The following ATP12A variants were observed in gnomAD, a reference collection of about 807,000 sequenced individuals.
ATP12A encodes the protein ATPase H+/K+ transporting non-gastric alpha2 subunit.
A neutral mutation model predicts 111.2 loss-of-function variants in ATP12A; 81 were observed. The observed-to-expected ratio is 0.73, with a 90% CI of 0.61 to 0.88. The LOEUF (loss-of-function observed/expected upper bound fraction) is 0.88. Ranked by LOEUF, ATP12A falls within the 40% of genes least tolerant of loss-of-function variation. The pLI is 0.00. For synonymous variants in ATP12A, 498 were observed against 499.8 expected (o/e 1.00, Z 0.05); for missense variants, 1,196 against 1,313.1 (o/e 0.91, Z 1.38).
rs775980059 is a variant in ATP12A at position 24,706,420 on chromosome 13, C to G, written c.2126C>G (p.Ser709Cys). 5.6e-6 allele frequency: 9 copies of G among 1,613,934 alleles called. No individual in the cohort carries two copies. In the African/African-American group the frequency reaches 8.0e-5, roughly 14 times the overall value. Residue 709 changes from serine to cysteine, a missense_variant, in exon 15 of 23, where the codon TCC (serine) becomes TGC (cysteine). This residue lies in a region of ATP12A where 1,126 missense variants were observed against 1,228.5 expected (regional missense o/e 0.92). Transcript: ENST00000381946. ...CAGGAGATTGTCTTTGCCCGGACAT[C>G]CCCCCAGCAGAAGCTGATCATTGTG... Reference protein sequence around the residue: ...NYQEIVFARTSPQQKLIIVEG... With the variant: ...NYQEIVFARTCPQQKLIIVEG...
rs565225438 is a variant in ATP12A at position 24,691,018 on chromosome 13, G to A, written c.836G>A (p.Arg279His). The A allele has an allele frequency of 5.3e-5, 85 of 1,614,190 alleles. No individual in the cohort carries two copies. The African/African-American group carries it at 8.3e-4, about 16-fold the overall frequency. Residue 279 changes from arginine (R) to histidine (H), a missense_variant, in exon 8 of 23, where the codon CGC (arginine) becomes CAC (histidine). Arg to His is a conservative substitution (Grantham distance 29). Around this residue, in one of 3 missense-constraint regions of ATP12A, gnomAD observed 1,126 missense variants for 1,228.5 expected, o/e 0.92. Transcript: ENST00000381946. ...GGCATGGTTATCAACACGGGTGACCGCACCATCATTGGCCATATTGCCTCA... is the reference window on the plus strand; with the variant it reads ...GGCATGGTTATCAACACGGGTGACCACACCATCATTGGCCATATTGCCTCA... Reference protein sequence around the residue: ...VTGMVINTGDRTIIGHIASLA... With the variant: ...VTGMVINTGDHTIIGHIASLA...
chr13:24,681,300 C>T lies in ATP12A; in HGVS notation c.10-262C>T, dbSNP rs1479952805. ...GGGGGGTAACTTCCCACCTGCTCCACCCAGAGAAGGGTCACCCTGAGGAGC... is the reference window on the plus strand; with the variant it reads ...GGGGGGTAACTTCCCACCTGCTCCATCCAGAGAAGGGTCACCCTGAGGAGC... On this transcript the variant is annotated intron_variant, in intron 1 of 22. Coordinates refer to ENST00000381946, the MANE Select transcript of ATP12A (RefSeq NM_001676.7). Among the ~76,000 whole-genome samples, 4 of 152,282 alleles carry T rather than the reference C, an allele frequency of 2.6e-5. No individual in the cohort carries two copies. The East Asian group carries it at 7.8e-4, about 30-fold the overall frequency.
Position 24,681,677 on chromosome 13 carries a change from A to G in ATP12A, c.125A>G (p.Lys42Arg). 3.1e-6 allele frequency: 5 copies of G among 1,614,256 alleles called. No homozygotes were observed. The highest frequency in any genetic ancestry group is 1.3e-5 in the African/African-American group (1 of 75,070). The change falls in exon 2 of 23, where the codon AAA becomes AGA. Residue 42 changes from lysine (K) to arginine (R), a missense_variant. Lys to Arg is a conservative substitution (Grantham distance 26). Around this residue, in one of 3 missense-constraint regions of ATP12A, gnomAD observed 67 missense variants for 64.0 expected, o/e 1.05. Transcript: ENST00000381946. ...RGLKNNCLEL[K>R]KKNHKEEFQK... The stretch of plus-strand genomic sequence containing the variant: ...CTGAAGAACAACTGCCTGGAACTCA[A>G]AAAGAAAAATCACAAAGAGGAGTTT...
rs989812164 is a variant in ATP12A at position 24,692,703 on chromosome 13, T to G, written c.1267+76T>G. The G allele has an allele frequency of 3.1e-6, 5 of 1,597,840 alleles. No homozygotes were observed. The Admixed American group carries it at 8.4e-5, about 27-fold the overall frequency. Reference sequence around the variant, plus strand: ...GGGCTGAGCTGAGCACACAGCAGGGTCTGCAGCCAGAGGATTGCTGGACAG... The same window carrying G: ...GGGCTGAGCTGAGCACACAGCAGGGGCTGCAGCCAGAGGATTGCTGGACAG... On this transcript the variant is annotated intron_variant, in intron 9 of 22. Transcript: ENST00000381946.
chr13:24,699,489 G>T (rs114078355), intron 12 of ATP12A, among the ~76,000 whole-genome samples: 1 of 152,196 alleles, frequency 6.6e-6, no homozygotes, highest in Non-Finnish European at 1.5e-5. Flanking sequence ...AAAGGGATGG[G>T]AATTTTTTCA....
intron 8 of ATP12A, among the ~76,000 whole-genome samples, chr13:24,692,151 G>C (rs1050365327): frequency 6.6e-6 from 1 of 152,156 alleles, no homozygotes; most frequent in Non-Finnish European, 1.5e-5. Context: ...CAGCGTGTCC[G>C]TGTTTGCTGC....
Position 24,705,630 on chromosome 13 carries a change from C to A in ATP12A, c.2019-683C>A, listed in dbSNP as rs539038119. On this transcript the variant is annotated intron_variant, in intron 14 of 22. Transcript: ENST00000381946. Reference sequence around the variant, plus strand: ...CCCCTTGTTTGGCCATAAAAGAATTCTAGGACCCAAAACATATGAACAGGC... The same window carrying A: ...CCCCTTGTTTGGCCATAAAAGAATTATAGGACCCAAAACATATGAACAGGC... Among the ~76,000 whole-genome samples, 47 of 152,248 alleles carry A rather than the reference C, an allele frequency of 3.1e-4. 1 individual carries two copies. In the South Asian group the frequency reaches 9.8e-3, roughly 32 times the overall value.
rs61948070 is a variant in ATP12A at position 24,681,960 on chromosome 13, G to A, written c.168+240G>A. Among the ~76,000 whole-genome samples the A allele has an allele frequency of 0.14, 19,538 of 135,042 alleles. 1,383 individuals carry two copies. The highest frequency in any genetic ancestry group is 0.22 in the Middle Eastern group (58 of 260). The allele number at this position is 135,042 out of a possible 152,430, so 88.6% of individuals were successfully genotyped here. On this transcript the variant is annotated intron_variant, in intron 2 of 22. Coordinates refer to ENST00000381946, the MANE Select transcript of ATP12A (RefSeq NM_001676.7). Reference sequence around the variant, plus strand: ...TGTGTGGTGTGTGTGTGTATGTGTGGTGTGTGGTGTATGGTGTGTGGTGTG... The same window carrying A: ...TGTGTGGTGTGTGTGTGTATGTGTGATGTGTGGTGTATGGTGTGTGGTGTG...
In ATP12A at chr13:24,690,677, T is replaced by C; in HGVS notation, c.755T>C (p.Leu252Pro). The change falls in exon 7 of 23, where the codon CTG becomes CCG. Residue 252 changes from leucine to proline, a missense_variant. By Grantham distance (98) the Leu-to-Pro change is moderately conservative. This residue lies in a region of ATP12A where 1,126 missense variants were observed against 1,228.5 expected (regional missense o/e 0.92). Coordinates refer to ENST00000381946, the MANE Select transcript of ATP12A (RefSeq NM_001676.7). ...RSSEFTHENP[L>P]ETKNICFYST... ...TCTGAGTTTACCCATGAAAACCCCC[T>C]GGAAACAAAGAACATCTGCTTCTAT... 1 of 1,613,966 alleles carries C rather than the reference T, an allele frequency of 6.2e-7. No homozygotes were observed. Among genetic ancestry groups the C allele is most frequent in the Non-Finnish European group, 8.5e-7 (1 of 1,179,974 alleles).
chr13:24,707,051 G>C lies in ATP12A; in HGVS notation c.2198G>C (p.Gly733Ala), dbSNP rs1227805837. 6.2e-7 allele frequency: 1 copy of C among 1,611,936 alleles called. No individual in the cohort carries two copies. The highest frequency in any genetic ancestry group is 1.7e-5 in the Admixed American group (1 of 59,820). ...GCTGTTGTTGCTGTGACCGGGGATG[G>C]AGTTAATGACTCTCCGGCTCTAAAG... ...QDAVVAVTGD[G>A]VNDSPALKKA... The change falls in exon 16 of 23, where the codon GGA becomes GCA. Residue 733 changes from glycine to alanine, a missense_variant. Physicochemically the swap from Gly to Ala is moderately conservative, Grantham distance 60. Transcript: ENST00000381946.
chr13:24,689,754 T>C (rs895424), intron 5 of ATP12A, among the ~76,000 whole-genome samples: 35,658 of 152,094 alleles, frequency 0.23, 4,638 homozygotes, highest in East Asian at 0.47. Context: ...ATGCATTTGG[T>C]GGGGAAGCCC....
At chr13:24,702,886 G>A (rs1215285931) in intron 14 of ATP12A, among the ~76,000 whole-genome samples, 1 of 152,186 alleles carries the variant, frequency 6.6e-6, no homozygotes, top group Non-Finnish European at 1.5e-5. Context: ...TGGTCTCCAT[G>A]AGTCAAAGAC....
At chr13:24,695,888 C>T (rs1875132817) in intron 11 of ATP12A, among the ~76,000 whole-genome samples, 2 of 152,108 alleles carry the variant, frequency 1.3e-5, no homozygotes, top group South Asian at 2.1e-4. Context: ...GGATTACAGG[C>T]GTGAGCCACC....
At chr13:24,698,943 G>A (rs1021172323) in intron 12 of ATP12A, 93 bp downstream of exon 12, 3 of 1,423,422 alleles carry the variant, frequency 2.1e-6, no homozygotes, top group African/African-American at 2.8e-5. Flanking sequence ...AGTGGCCATG[G>A]CATCCACGTG....
intron 8 of ATP12A, among the ~76,000 whole-genome samples, chr13:24,692,158 C>T (rs758650018): frequency 3.9e-5 from 6 of 152,174 alleles, no homozygotes; most frequent in Non-Finnish European, 8.8e-5. Flanking sequence ...TCCGTGTTTG[C>T]TGCCCGTGGG....
At chr13:24,689,091 TA>T (rs11423345) in intron 4 of ATP12A, among the ~76,000 whole-genome samples, 170 bp from the exon 5 acceptor site, 35 of 148,294 alleles carry the variant, frequency 2.4e-4, no homozygotes, top group African/African-American at 3.5e-4. Flanking sequence ...TCTGTAAACT[TA>T]AAAAAAAAAA....
intron 21 of ATP12A, 29 bp from the exon 22 acceptor site, chr13:24,711,287 CAG>C (rs1491332384): frequency 6.4e-7 from 1 of 1,565,776 alleles, no homozygotes; most frequent in Non-Finnish European, 8.7e-7. Flanking sequence ...GTGGATGAGT[CAG>C]GGTTCACTTT....
Position 24,700,750 on chromosome 13 carries a change from T to C in ATP12A, c.1709T>C (p.Phe570Ser). ...LGGLGERVLGFCHLYLPADEF... is the reference protein window; with the variant it reads ...LGGLGERVLGSCHLYLPADEF... The stretch of plus-strand genomic sequence containing the variant: ...CACTAATTCATCTGTATTACAGGTT[T>C]CTGTCATCTCTACCTGCCAGCAGAC... Residue 570 changes from phenylalanine to serine, a missense_variant, in exon 13 of 23, where the codon TTC becomes TCC. Phe to Ser is a radical substitution (Grantham distance 155). Coordinates refer to ENST00000381946, the MANE Select transcript of ATP12A (RefSeq NM_001676.7). 2 of 1,613,340 alleles carry C rather than the reference T, an allele frequency of 1.2e-6. No homozygotes were observed. The highest frequency in any genetic ancestry group is 1.3e-5 in the African/African-American group (1 of 75,020).
intron 3 of ATP12A, among the ~76,000 whole-genome samples, chr13:24,686,781 A>G (rs926603216): frequency 2.0e-5 from 3 of 151,464 alleles, no homozygotes; most frequent in Non-Finnish European, 4.4e-5. Flanking sequence ...AAGGAAGGAA[A>G]GAAAGAAAGA....
Sources: allele counts gnomAD v4.1 joint callset (sites outside exome capture counted in the v4.1 genomes callset), GRCh38; gene constraint gnomAD v4.1.1; regional missense constraint gnomAD v4.1.1; transcripts MANE v1.5; gene names NCBI Gene and HGNC (gene_info 2026-07-23, HGNC 2026-07-21).